Variants in CRTC1 observed in about 807,000 individuals in gnomAD.
CRTC1 encodes CREB-regulated transcription coactivator 1.
Under a neutral mutation model 66.1 loss-of-function variants are expected in CRTC1, and 18 were observed. That is an observed-to-expected ratio of 0.27 (90% CI 0.19 to 0.40). The LOEUF is 0.40. Ranked by LOEUF, CRTC1 falls within the 10% of genes least tolerant of loss-of-function variation. The pLI, the probability that CRTC1 is intolerant of heterozygous loss-of-function variation, is 1.00. For synonymous variants in CRTC1, 416 were observed against 398.8 expected, an observed-to-expected ratio of 1.04 and a Z score of -0.51; for missense variants, 669 against 887.9, an observed-to-expected ratio of 0.75 and a Z score of 3.13.
intron 3 of CRTC1, among the ~76,000 whole-genome samples, chr19:18,746,477 T>TCCCCCCCCCCCCCCCCACTCAGC (rs1265684155): frequency 7.3e-6 from 1 of 137,078 alleles, no homozygotes; most frequent in Non-Finnish European, 1.6e-5. Flanking sequence ...TCAGCCAGAG[T>TCCCCCCCCCCCCCCCCACTCAGC]CCCCCCCTCC....
intron 13 of CRTC1, among the ~76,000 whole-genome samples, chr19:18,776,809 C>T (rs1197701652): frequency 1.3e-5 from 2 of 152,230 alleles, no homozygotes; most frequent in Admixed American, 6.5e-5. Flanking sequence ...CAGCCTGCTT[C>T]TCAGTGACTC....
intron 1 of CRTC1, among the ~76,000 whole-genome samples, chr19:18,691,522 CAAAAA>C (rs60633222): frequency 5.5e-4 from 40 of 72,648 alleles, no homozygotes; most frequent in African/African-American, 2.2e-3. Context: ...CCCTTTTCTC[CAAAAA>C]AAAAAAAAAA....
At chr19:18,713,856 G>A (rs1310918415) in intron 1 of CRTC1, among the ~76,000 whole-genome samples, 2 of 152,246 alleles carry the variant, frequency 1.3e-5, no homozygotes, top group Non-Finnish European at 2.9e-5. Flanking sequence ...GGGAGCTGGA[G>A]GACACAGCCC....
intron 1 of CRTC1, among the ~76,000 whole-genome samples, chr19:18,700,592 G>A (rs757487864): frequency 1.2e-4 from 19 of 152,070 alleles, no homozygotes; most frequent in East Asian, 1.2e-3. Flanking sequence ...AGCACTTCCC[G>A]TTTCCTCTGC....
intron 11 of CRTC1, among the ~76,000 whole-genome samples, chr19:18,772,363 G>A (rs965268987): frequency 2.0e-5 from 3 of 152,118 alleles, no homozygotes; most frequent in East Asian, 1.9e-4. Context: ...CCAACATCCA[G>A]CCGCCAACTT....
chr19:18,703,611 C>T (rs142176808), intron 1 of CRTC1, among the ~76,000 whole-genome samples: 2,377 of 152,114 alleles, frequency 0.016, 19 homozygotes, highest in Non-Finnish European at 0.025. Flanking sequence ...TATAGGCATG[C>T]ACCACCATGC....
At chr19:18,775,242 GA>G (rs1342260141) in intron 12 of CRTC1, among the ~76,000 whole-genome samples, 3 of 152,240 alleles carry the variant, frequency 2.0e-5, no homozygotes, top group Non-Finnish European at 4.4e-5. Context: ...GGCAGAGGGT[GA>G]GGGGGGGCAG....
intron 11 of CRTC1, among the ~76,000 whole-genome samples, chr19:18,773,245 C>T (rs927578347): frequency 2.0e-5 from 3 of 152,056 alleles, no homozygotes; most frequent in African/African-American, 7.2e-5. Context: ...ACTGGGTCTC[C>T]GAGGACTCAC....
At position 18,771,652 on chromosome 19, in the gene CRTC1, A is replaced by G. The variant is rs1049570592; in HGVS notation, c.1425+106A>G. The G allele has an allele frequency of 6.0e-6, 5 of 838,392 alleles. No homozygotes were observed. The highest frequency in any genetic ancestry group is 9.7e-6 in the Non-Finnish European group (5 of 514,634). 51.9% of individuals were successfully genotyped at this position (838,392 alleles called of 1,614,324 possible). ...TGTCCTCATGCATCGCTCCTCATGC[A>G]TGTCCTCATGCATCCCATCCCGTCC... On this transcript the variant is annotated intron_variant, in intron 11 of 13. Coordinates refer to ENST00000321949, the MANE Select transcript of CRTC1 (RefSeq NM_015321.3). The surrounding 1 kb of genome is among the most constrained non-coding windows in gnomAD (Gnocchi z 4.6).
At chr19:18,750,676 G>T (rs143155557) in intron 5 of CRTC1, among the ~76,000 whole-genome samples, 1 of 152,336 alleles carries the variant, frequency 6.6e-6, no homozygotes, top group East Asian at 1.9e-4. Flanking sequence ...CACCGAGTGG[G>T]TGGTTAACAC....
chr19:18,685,509 T>C lies in CRTC1; in HGVS notation c.126+1681T>C, dbSNP rs373976923. Among the ~76,000 whole-genome samples, 24 of 152,170 alleles carry C rather than the reference T, an allele frequency of 1.6e-4. No individual in the cohort carries two copies. The East Asian group carries it at 3.7e-3, about 23-fold the overall frequency. ...CTGTCTGTACTAAAAATATAAAAAT[T>C]AGCCGGACGTGGTGGTAGCTACCTG... On this transcript the variant is annotated intron_variant, in intron 1 of 13. Coordinates refer to ENST00000321949, the MANE Select transcript of CRTC1 (RefSeq NM_015321.3).
At chr19:18,722,043 G>A (rs546081117) in intron 1 of CRTC1, among the ~76,000 whole-genome samples, 4 of 152,326 alleles carry the variant, frequency 2.6e-5, no homozygotes, top group Non-Finnish European at 2.9e-5. Context: ...AGCAGAGGCC[G>A]GAGTCTGCCC....
chr19:18,753,746 T>C (rs898882640), intron 6 of CRTC1, among the ~76,000 whole-genome samples, 161 bp downstream of exon 6: 3 of 152,132 alleles, frequency 2.0e-5, no homozygotes, highest in Non-Finnish European at 2.9e-5. Context: ...ATCTGTTAGG[T>C]CTGTTGATCA....
intron 6 of CRTC1, among the ~76,000 whole-genome samples, chr19:18,753,874 C>A (rs940966611): frequency 6.6e-6 from 1 of 152,036 alleles, no homozygotes; most frequent in Non-Finnish European, 1.5e-5. Context: ...CCGAGGCAGG[C>A]GGATTGCCAG....
chr19:18,696,101 G>T (rs538414298), intron 1 of CRTC1, among the ~76,000 whole-genome samples: 49 of 152,210 alleles, frequency 3.2e-4, no homozygotes, highest in Non-Finnish European at 7.2e-4. Flanking sequence ...CGTCCTCCCG[G>T]GTTTACAGAG....
chr19:18,701,276 C>A (rs976630994), intron 1 of CRTC1, among the ~76,000 whole-genome samples: 1 of 152,276 alleles, frequency 6.6e-6, no homozygotes, highest in Non-Finnish European at 1.5e-5. Context: ...ACAGTCCCTC[C>A]CTTCTGTGCC....
rs2054798531 is a variant in CRTC1, at chr19:18,768,841, A to G, written c.1320+48A>G. 4 of 1,544,404 alleles carry G rather than the reference A, an allele frequency of 2.6e-6. No individual in the cohort carries two copies. Among genetic ancestry groups the G allele is most frequent in the Non-Finnish European group, 1.7e-6 (2 of 1,146,166 alleles). ...CGGGGCCTGACTGGGGGTCTTGTAG[A>G]GGACAGCCCGGGGGCTGCAGAACAG... On this transcript the variant is annotated intron_variant, in intron 10 of 13. Transcript: ENST00000321949. This position sits in a 1 kb window ranked among gnomAD's most constrained non-coding sequence, Gnocchi z 5.6.
Position 18,753,352 on chromosome 19 carries a change from G to A in CRTC1, c.539-148G>A, listed in dbSNP as rs1435987184. On this transcript the variant is annotated intron_variant, in intron 5 of 13. Coordinates refer to ENST00000321949, the MANE Select transcript of CRTC1 (RefSeq NM_015321.3). ...CATGAAGCCCTTTTTTGTGGTTTTA[G>A]TACAGTCCACAGAAGTTCCCGTTAG... 5.9e-6 allele frequency: 3 copies of A among 509,688 alleles called. No individual in the cohort carries two copies. The African/African-American group carries it at 5.9e-5, about 10-fold the overall frequency. The allele number at this position is 509,688 out of a possible 1,614,324, so 31.6% of individuals were successfully genotyped here.
Position 18,771,071 on chromosome 19 carries a change from T to C in CRTC1, c.1321-371T>C, listed in dbSNP as rs1490209690. ...GTGGGTATGTATATTCTAGTGTGGA[T>C]ATGTGTACACGTGGGTATGTCTGTG... On this transcript the variant is annotated intron_variant, in intron 10 of 13. Transcript: ENST00000321949. This position sits in a 1 kb window ranked among gnomAD's most constrained non-coding sequence, Gnocchi z 4.6. Among the ~76,000 whole-genome samples, 4 of 151,964 alleles carry C rather than the reference T, an allele frequency of 2.6e-5. No individual in the cohort carries two copies. Among genetic ancestry groups the C allele is most frequent in the Admixed American group, 6.6e-5 (1 of 15,264 alleles).
Sources: allele counts gnomAD v4.1 joint callset (sites outside exome capture counted in the v4.1 genomes callset), GRCh38; gene constraint gnomAD v4.1.1; non-coding constraint Gnocchi (gnomAD v3.1); transcripts MANE v1.5; gene names NCBI Gene and HGNC (gene_info 2026-07-23, HGNC 2026-07-21).